The following DRC7 variants were observed in gnomAD, a reference collection of about 807,000 sequenced individuals.
DRC7 encodes dynein regulatory complex subunit 7, also known as coiled-coil domain containing 135.
DRC7 carries 80 observed loss-of-function variants against 104.4 expected under a neutral mutation model. That is an observed-to-expected ratio of 0.77 (90% confidence interval 0.64 to 0.92). The LOEUF (loss-of-function observed/expected upper bound fraction) is 0.92. DRC7 is among the 40% of genes least tolerant of loss of function. DRC7 has a pLI of 0.00. For missense variants in DRC7, 1,034 were observed against 1,141.1 expected (o/e 0.91, Z 1.35); for synonymous variants, 405 against 447.3 (o/e 0.91, Z 1.19).
At chr16:57,705,801 C>CCCATCCATCCATCCTG (rs2048713965) in intron 7 of DRC7, among the ~76,000 whole-genome samples, 1 of 127,354 alleles carries the variant, frequency 7.9e-6, no homozygotes, top group Non-Finnish European at 1.6e-5. Flanking sequence ...CATCCATCCT[C>CCCATCCATCCATCCTG]CCATTTCTCC....
chr16:57,725,773 C>T, intron 13 of DRC7: 1 of 393,904 alleles, frequency 2.5e-6, no homozygotes. Context: ...TAAGGGATGT[C>T]TAGCAATGGA....
intron 8 of DRC7, among the ~76,000 whole-genome samples, chr16:57,711,314 A>C (rs1387501595): frequency 6.6e-6 from 1 of 152,128 alleles, no homozygotes; most frequent in Admixed American, 6.5e-5. Flanking sequence ...ATTCATTCTT[A>C]ATATTGGTAG....
chr16:57,700,189 C>T lies in DRC7; in HGVS notation c.423C>T (p.Pro141=), dbSNP rs756145458. 1.4e-5 allele frequency: 23 copies of T among 1,614,024 alleles called. No homozygotes were observed. The Admixed American group carries it at 2.0e-4, about 14-fold the overall frequency. Residue 141 remains proline, a synonymous_variant, in exon 5 of 19, where the codon CCC becomes CCT. Coordinates refer to ENST00000360716, the MANE Select transcript of DRC7 (RefSeq NM_001289162.2). The stretch of plus-strand genomic sequence containing the variant: ...TCCGGCCCACACTGATGCCCTACCC[C>T]GAGCTCTACAACTGGGACAGCTGTG... ...TTLRPTLMPY[P]ELYNWDSCAQ... is the part of the protein sequence containing the mutation.
At chr16:57,730,280 AGTGG>A (rs1191321193) in intron 17 of DRC7, among the ~76,000 whole-genome samples, 1 of 41,364 alleles carries the variant, frequency 2.4e-5, no homozygotes, top group Non-Finnish European at 4.5e-5. Context: ...TGGATGGATG[AGTGG>A]GTGGGTGGAT....
chr16:57,724,900 A>T, intron 13 of DRC7, 65 bp downstream of exon 13: 1 of 1,302,306 alleles, frequency 7.7e-7, no homozygotes, highest in Non-Finnish European at 1.1e-6. Flanking sequence ...TCACCTCTGA[A>T]TGGTGAGAGC....
rs774847984 is a variant in DRC7, at chr16:57,702,066, C to T, written c.635C>T (p.Ser212Leu). The part of the protein sequence containing the change: ...YDAYCVNGYG[S>L]LDLCHMDLTR... The stretch of plus-strand genomic sequence containing the variant: ...GCTTACTGCGTCAACGGCTACGGCT[C>T]GCTGGACCTGTGCCACATGGACCTG... Residue 212 changes from serine to leucine, a missense_variant, in exon 6 of 19, where the codon TCG becomes TTG. Physicochemically the swap from Ser to Leu is moderately radical, Grantham distance 145. Transcript: ENST00000360716. The T allele has an allele frequency of 4.3e-6, 7 of 1,614,098 alleles. No individual in the cohort carries two copies. The highest frequency in any genetic ancestry group is 2.7e-5 in the African/African-American group (2 of 74,940).
chr16:57,727,434 C>T lies in DRC7; in HGVS notation c.2196+25C>T, dbSNP rs540702611. 3.8e-6 allele frequency: 6 copies of T among 1,568,538 alleles called. No individual in the cohort carries two copies. In the African/African-American group the frequency reaches 8.1e-5, roughly 21 times the overall value. On this transcript the variant is annotated intron_variant, in intron 16 of 18. Coordinates refer to ENST00000360716, the MANE Select transcript of DRC7 (RefSeq NM_001289162.2). ...GGTCAGTCCCAATCCCTTCTCCAGG[C>T]CCCAGCTTTTCCTAGACCCCCCTGG...
chr16:57,703,642 C>T (rs1166827584), intron 6 of DRC7, among the ~76,000 whole-genome samples: 1 of 152,136 alleles, frequency 6.6e-6, no homozygotes, highest in Admixed American at 6.5e-5. Flanking sequence ...AGATGGAGCA[C>T]GAGCTCCGCC....
rs2048866574 is a variant in DRC7, at chr16:57,718,335, C to T, written c.1078-12C>T. On this transcript the variant is annotated splice_polypyrimidine_tract_variant and intron_variant, in intron 8 of 18. Transcript: ENST00000360716. The stretch of plus-strand genomic sequence containing the variant: ...TGGGGTACACTCAGTTGACTGCCCT[C>T]ATCCCCAACAGGACTTGATCTTTGA... 4 of 1,613,178 alleles carry T rather than the reference C, an allele frequency of 2.5e-6. No individual in the cohort carries two copies. The highest frequency in any genetic ancestry group is 2.5e-6 in the Non-Finnish European group (3 of 1,179,408).
chr16:57,706,225 C>T (rs2048723844), intron 7 of DRC7, among the ~76,000 whole-genome samples: 1 of 145,718 alleles, frequency 6.9e-6, no homozygotes, highest in Non-Finnish European at 1.5e-5. Flanking sequence ...CCCATCCATC[C>T]ATCCTCCCAC....
At chr16:57,715,537 T>C (rs2404688) in intron 8 of DRC7, among the ~76,000 whole-genome samples, 90,740 of 152,136 alleles carry the variant, frequency 0.6, 28,520 homozygotes, top group African/African-American at 0.8. Flanking sequence ...GCAAAGGAGA[T>C]GCCTCTCATC....
intron 8 of DRC7, among the ~76,000 whole-genome samples, chr16:57,708,572 A>G (rs1453743739): frequency 2.0e-5 from 3 of 152,214 alleles, no homozygotes; most frequent in African/African-American, 7.2e-5. Flanking sequence ...ATTTGTATAC[A>G]TATATTTCAG....
chr16:57,703,006 C>T (rs1597795009), intron 6 of DRC7, among the ~76,000 whole-genome samples: 1 of 151,766 alleles, frequency 6.6e-6, no homozygotes, highest in African/African-American at 2.4e-5. Context: ...GCCTCAGCCT[C>T]CCAAGTAGCT....
At chr16:57,716,892 G>C (rs2048848907) in intron 8 of DRC7, among the ~76,000 whole-genome samples, 1 of 152,120 alleles carries the variant, frequency 6.6e-6, no homozygotes. Flanking sequence ...TCTGACAGAT[G>C]AGCCACTTTT....
chr16:57,728,675 C>T (rs1192585973), intron 17 of DRC7, 91 bp downstream of exon 17: 3 of 1,067,712 alleles, frequency 2.8e-6, no homozygotes, highest in African/African-American at 3.2e-5. Flanking sequence ...ACCTCACAGG[C>T]TTGTGAGGGC....
chr16:57,704,376 TACACACAC>T (rs55873452), intron 6 of DRC7, among the ~76,000 whole-genome samples: 13 of 148,990 alleles, frequency 8.7e-5, no homozygotes, highest in Admixed American at 2.0e-4. Context: ...CACGCAAGCG[TACACACAC>T]ACACACACAC....
rs376979174 is a variant in DRC7, at chr16:57,718,492, C to T, written c.1206+17C>T. 1.9e-4 allele frequency: 304 copies of T among 1,613,006 alleles called. 2 individuals are homozygous for T. The South Asian group carries it at 2.9e-3, about 15-fold the overall frequency. On this transcript the variant is annotated intron_variant, in intron 9 of 18. Transcript: ENST00000360716. ...GAAAATCTGGTGAGTCTCAGCAGCTCGAGAGCCCAGGGAATGTGTGTGAAG... is the reference window on the plus strand; with the variant it reads ...GAAAATCTGGTGAGTCTCAGCAGCTTGAGAGCCCAGGGAATGTGTGTGAAG...
intron 6 of DRC7, among the ~76,000 whole-genome samples, chr16:57,702,431 A>G (rs1346231472): frequency 1.3e-5 from 2 of 152,170 alleles, no homozygotes; most frequent in African/African-American, 4.8e-5. Context: ...TGAATGCCAC[A>G]TAGCTTATAT....
Position 57,711,126 on chromosome 16 carries a change from G to A in DRC7, c.1077+3448G>A, listed in dbSNP as rs1369082452. On this transcript the variant is annotated intron_variant, in intron 8 of 18. Transcript: ENST00000360716. ...TGGGGCTGGAATTTTCTTTGTGGAA[G>A]GATTTTAAGGTACAAATTCAATAGG... Among the ~76,000 whole-genome samples the A allele has an allele frequency of 2.6e-5, 4 of 152,164 alleles. No homozygotes were observed. The East Asian group carries it at 5.8e-4, about 22-fold the overall frequency.
Sources: allele counts gnomAD v4.1 joint callset (sites outside exome capture counted in the v4.1 genomes callset), GRCh38; gene constraint gnomAD v4.1.1; transcripts MANE v1.5; gene names NCBI Gene and HGNC (gene_info 2026-07-23, HGNC 2026-07-21).